COL14A1: variants seen among roughly 807,000 people sequenced by gnomAD.
COL14A1 encodes collagen alpha-1(XIV) chain.
In COL14A1, 136 loss-of-function variants were observed where a neutral mutation model predicts 230.3. The ratio of observed to expected loss-of-function variants is 0.59; its 90% CI spans 0.51 to 0.68. The LOEUF (loss-of-function observed/expected upper bound fraction) is 0.68. Among genes scored for constraint, COL14A1 ranks in the 30% least tolerant of loss-of-function variants. The pLI is 0.00. For missense variants in COL14A1, 1,976 were observed against 2,215.8 expected, an observed-to-expected ratio of 0.89 and a Z score of 2.17; for synonymous variants, 792 against 784.1, an observed-to-expected ratio of 1.01 and a Z score of -0.17.
intron 5 of COL14A1, among the ~76,000 whole-genome samples, chr8:120,187,107 G>A (rs1352577085): frequency 2.0e-5 from 3 of 152,118 alleles, no homozygotes; most frequent in Non-Finnish European, 4.4e-5. Context: ...TGTCAGCTCC[G>A]TCCTTTCTAT....
At chr8:120,259,328 G>A (rs562825515) in intron 23 of COL14A1, among the ~76,000 whole-genome samples, 6 of 152,208 alleles carry the variant, frequency 3.9e-5, no homozygotes, top group East Asian at 1.9e-4. Context: ...ATAATTATAC[G>A]TTTATAATCT....
At position 120,371,897 on chromosome 8, in the gene COL14A1, A is replaced by C. The variant is rs1181299557; in HGVS notation, c.*666A>C. The C allele has an allele frequency of 8.6e-6, 3 of 349,818 alleles. No individual in the cohort carries two copies. The Admixed American group carries it at 1.4e-4, about 16-fold the overall frequency. The allele number at this position is 349,818 out of a possible 1,614,324, so 21.7% of individuals were successfully genotyped here. A position where few individuals can be genotyped will look rare whatever the true frequency, so the allele number is the denominator to read the frequency against. ...ACCAGCTCTGATGCAAAGAGATATA[A>C]TTTTAATGAACGATTTATCCAGCAG... is the stretch of plus-strand genomic sequence containing the variant. On this transcript the variant is annotated 3_prime_UTR_variant, in exon 48 of 48. Coordinates refer to ENST00000297848, the MANE Select transcript of COL14A1 (RefSeq NM_021110.4).
chr8:120,151,396 T>C (rs1005490058), intron 2 of COL14A1, among the ~76,000 whole-genome samples: 1 of 151,960 alleles, frequency 6.6e-6, no homozygotes, highest in African/African-American at 2.4e-5. Flanking sequence ...ATCCCAGCAC[T>C]TTGGGAGGCT....
intron 25 of COL14A1, among the ~76,000 whole-genome samples, chr8:120,267,731 C>T (rs78250595): frequency 0.016 from 2,365 of 151,830 alleles, 58 homozygotes; most frequent in African/African-American, 0.053. Flanking sequence ...AAAAGAATGA[C>T]AGTAGAGTTA....
chr8:120,316,244 C>T (rs1821226173), intron 40 of COL14A1, among the ~76,000 whole-genome samples: 1 of 152,172 alleles, frequency 6.6e-6, no homozygotes, highest in Non-Finnish European at 1.5e-5. Flanking sequence ...TCCGAGTGCT[C>T]CCATGACCTG....
chr8:120,178,845 T>C (rs1322390383), intron 5 of COL14A1, among the ~76,000 whole-genome samples: 1 of 152,228 alleles, frequency 6.6e-6, no homozygotes, highest in African/African-American at 2.4e-5. Context: ...TGAGCTTTTT[T>C]TTCATGTTTG....
At position 120,372,365 on chromosome 8, in the gene COL14A1, C is replaced by T. The variant is rs1306093329; in HGVS notation, c.*1134C>T. Among the ~76,000 whole-genome samples, 2 of 152,126 alleles carry T rather than the reference C, an allele frequency of 1.3e-5. No individual in the cohort carries two copies. The highest frequency in any genetic ancestry group is 4.8e-5 in the African/African-American group (2 of 41,410). Reference sequence around the variant, plus strand: ...ACCTATCTTCTGATATTGAGGAAAGCCTAAAAACCCCTAGAAGGCAGAGCA... The same window carrying T: ...ACCTATCTTCTGATATTGAGGAAAGTCTAAAAACCCCTAGAAGGCAGAGCA... On this transcript the variant is annotated 3_prime_UTR_variant, in exon 48 of 48. Coordinates refer to ENST00000297848, the MANE Select transcript of COL14A1 (RefSeq NM_021110.4).
chr8:120,170,017 T>C (rs1471968518), intron 5 of COL14A1, among the ~76,000 whole-genome samples: 1 of 152,058 alleles, frequency 6.6e-6, no homozygotes, highest in East Asian at 1.9e-4. Flanking sequence ...TCATATATAT[T>C]TGCCAGCTTA....
intron 45 of COL14A1, among the ~76,000 whole-genome samples, chr8:120,350,114 G>T (rs1822692940): frequency 6.6e-6 from 1 of 151,638 alleles, no homozygotes; most frequent in South Asian, 2.1e-4. Flanking sequence ...TTTCAACCCA[G>T]AATTTCATAT....
chr8:120,344,671 A>T (rs1822433881), intron 44 of COL14A1, among the ~76,000 whole-genome samples: 1 of 152,258 alleles, frequency 6.6e-6, no homozygotes, highest in South Asian at 2.1e-4. Flanking sequence ...ATGTTTCAAA[A>T]TGGATAAATA....
Position 120,371,133 on chromosome 8 carries a change from C to A in COL14A1, c.5312-19C>A. The A allele has an allele frequency of 6.3e-7, 1 of 1,586,870 alleles. No individual in the cohort carries two copies. The highest frequency in any genetic ancestry group is 8.6e-7 in the Non-Finnish European group (1 of 1,167,798). ...ATTCCTGGGTGCAGCAAGTCCCCAC[C>A]CCCACTTTTCCTCTTTAGCTCCCCA... On this transcript the variant is annotated intron_variant, in intron 47 of 47. Transcript: ENST00000297848.
At chr8:120,188,668 C>T (rs1450291215) in intron 5 of COL14A1, among the ~76,000 whole-genome samples, 1 of 152,064 alleles carries the variant, frequency 6.6e-6, no homozygotes, top group African/African-American at 2.4e-5. Flanking sequence ...TAGGTAAGAC[C>T]CATGTAAAGT....
intron 28 of COL14A1, 61 bp downstream of exon 28, chr8:120,278,639 A>T (rs552629735): frequency 3.3e-6 from 5 of 1,506,340 alleles, no homozygotes; most frequent in Middle Eastern, 1.8e-4. Context: ...TTTTCTAAAT[A>T]CAAATTTATA....
At chr8:120,238,580 G>T (rs1818520913) in intron 19 of COL14A1, among the ~76,000 whole-genome samples, 2 of 152,188 alleles carry the variant, frequency 1.3e-5, no homozygotes, top group South Asian at 4.1e-4. Flanking sequence ...AGACCACTGG[G>T]ATCCCTGGCT....
intron 1 of COL14A1, among the ~76,000 whole-genome samples, chr8:120,144,421 T>G (rs1347339022): frequency 2.6e-5 from 4 of 152,152 alleles, no homozygotes; most frequent in Non-Finnish European, 5.9e-5. Context: ...CAAAATATGT[T>G]AACTACACTG....
At chr8:120,270,280 G>A (rs553166910) in intron 26 of COL14A1, 106 bp downstream of exon 26, 2 of 1,148,068 alleles carry the variant, frequency 1.7e-6, no homozygotes, top group South Asian at 3.8e-5. Flanking sequence ...TGTAATGATT[G>A]GGTTCAACCT....
chr8:120,317,626 G>T (rs1821280805), intron 40 of COL14A1, among the ~76,000 whole-genome samples: 1 of 152,210 alleles, frequency 6.6e-6, no homozygotes, highest in Admixed American at 6.5e-5. Flanking sequence ...TAAAGATTTA[G>T]TTCGGTGAGT....
rs909709268 is a variant in COL14A1 at position 120,231,772 on chromosome 8, C to T, written c.2349+154C>T. 2.2e-5 allele frequency: 17 copies of T among 770,180 alleles called. No individual in the cohort carries two copies. In the Admixed American group the frequency reaches 5.5e-4, roughly 25 times the overall value. 47.7% of individuals were successfully genotyped at this position (770,180 alleles called of 1,614,324 possible). ...GTTCTCTGTTAATCTGACTCCACTA[C>T]TGGCTTCTTAGTGACCTTTATAAAT... On this transcript the variant is annotated intron_variant, in intron 19 of 47. Transcript: ENST00000297848.
At chr8:120,185,383 G>C (rs75853639) in intron 5 of COL14A1, among the ~76,000 whole-genome samples, 1,559 of 152,284 alleles carry the variant, frequency 0.01, 32 homozygotes, top group African/African-American at 0.036. Flanking sequence ...GTGCAGTGGA[G>C]GTGGCTCACA....
Sources: gnomAD v4.1 joint callset for allele counts (sites outside exome capture counted in the v4.1 genomes callset) on GRCh38, gnomAD v4.1.1 for gene constraint, MANE v1.5 for transcripts, NCBI Gene and HGNC (gene_info 2026-07-23, HGNC 2026-07-21) for gene names.